The following GPR107 variants were observed in gnomAD, a reference collection of about 807,000 sequenced individuals.
The protein encoded by GPR107 is protein GPR107.
In GPR107, 31 loss-of-function variants were observed where a neutral mutation model predicts 75.5. The observed-to-expected ratio is 0.41, with a 90% CI of 0.31 to 0.55. GPR107 has a LOEUF of 0.55. Ranked by LOEUF, GPR107 falls within the 20% of genes least tolerant of loss-of-function variation. The pLI is 0.26. For synonymous variants in GPR107, 267 were observed against 251.3 expected (o/e 1.06, Z -0.59); for missense variants, 572 against 665.7 (o/e 0.86, Z 1.55).
chr9:130,132,311 G>A (rs562124116), intron 17 of GPR107, among the ~76,000 whole-genome samples: 1 of 152,300 alleles, frequency 6.6e-6, no homozygotes, highest in African/African-American at 2.4e-5. Context: ...CTCAGGATCT[G>A]TGCTTTTCTC....
intron 14 of GPR107, among the ~76,000 whole-genome samples, chr9:130,109,055 A>G (rs1039476988): frequency 2.9e-5 from 4 of 140,168 alleles, no homozygotes; most frequent in Non-Finnish European, 4.5e-5. Flanking sequence ...GCTAGAGTGC[A>G]ATGGCATGAT....
Position 130,090,910 on chromosome 9 carries a change from G to C in GPR107, c.656G>C (p.Gly219Ala). 1 of 1,531,926 alleles carries C rather than the reference G, an allele frequency of 6.5e-7. No homozygotes were observed. The highest frequency in any genetic ancestry group is 9.0e-7 in the Non-Finnish European group (1 of 1,106,140). 94.9% of individuals were successfully genotyped at this position (1,531,926 alleles called of 1,614,324 possible). A position where few individuals can be genotyped will look rare whatever the true frequency, so the allele number is the denominator to read the frequency against. ...AACATCAGCACTGATGACCAAGAAG[G>C]CCTTTACAGTCTTTATTTTCATAAA... is the stretch of plus-strand genomic sequence containing the variant. ...FFNISTDDQE[G>A]LYSLYFHKCL... The change falls in exon 8 of 18, where the codon GGC becomes GCC. Residue 219 changes from glycine to alanine, a missense_variant. Transcript: ENST00000347136.
chr9:130,081,671 CAA>C (rs1279109782), intron 5 of GPR107, among the ~76,000 whole-genome samples: 2 of 93,620 alleles, frequency 2.1e-5, no homozygotes, highest in Non-Finnish European at 4.5e-5. Flanking sequence ...GACTCTGTCT[CAA>C]AAAAAAAAAA....
At chr9:130,120,095 A>G (rs956349785) in intron 14 of GPR107, among the ~76,000 whole-genome samples, 3 of 152,238 alleles carry the variant, frequency 2.0e-5, no homozygotes, top group Admixed American at 2.0e-4. Context: ...GGCATGAGCC[A>G]GCCTGCTGGG....
chr9:130,108,206 C>T (rs1178242732), intron 14 of GPR107, among the ~76,000 whole-genome samples: 2 of 152,242 alleles, frequency 1.3e-5, no homozygotes, highest in African/African-American at 4.8e-5. Flanking sequence ...GAGCAGTGCT[C>T]TCTTCTCTCA....
At chr9:130,107,304 G>A (rs951006822) in intron 13 of GPR107, among the ~76,000 whole-genome samples, 192 bp from the exon 14 acceptor site, 7 of 152,074 alleles carry the variant, frequency 4.6e-5, no homozygotes, top group African/African-American at 1.4e-4. Context: ...AGCAGAGGGC[G>A]ACTTTACCTC....
At chr9:130,066,358 G>A (rs535951285) in intron 1 of GPR107, among the ~76,000 whole-genome samples, 5 of 151,188 alleles carry the variant, frequency 3.3e-5, no homozygotes, top group South Asian at 2.1e-4. Context: ...TCCTCATCTC[G>A]TTCCCATTGA....
intron 15 of GPR107, among the ~76,000 whole-genome samples, 193 bp from the exon 16 acceptor site, chr9:130,127,290 A>G (rs1312488655): frequency 1.3e-5 from 2 of 152,204 alleles, no homozygotes; most frequent in African/African-American, 4.8e-5. Flanking sequence ...GAGAGAGAGA[A>G]GAAATTCAAG....
At chr9:130,082,835 G>A (rs1322667937) in intron 5 of GPR107, among the ~76,000 whole-genome samples, 1 of 151,980 alleles carries the variant, frequency 6.6e-6, no homozygotes, top group East Asian at 1.9e-4. Flanking sequence ...CATGAAAGAA[G>A]CCATTAGCAA....
intron 7 of GPR107, among the ~76,000 whole-genome samples, chr9:130,087,888 A>G (rs1163834581): frequency 4.0e-5 from 6 of 151,492 alleles, no homozygotes; most frequent in Non-Finnish European, 5.9e-5. Flanking sequence ...TGACAAATGC[A>G]TATATACCCA....
chr9:130,109,567 CTTTCTTTTTTT>C (rs1831242548), intron 14 of GPR107, among the ~76,000 whole-genome samples: 1 of 26,234 alleles, frequency 3.8e-5, no homozygotes, highest in South Asian at 1.7e-3. Context: ...TAGTCTTTTT[CTTTCTTTTTTT>C]TTTTTTTTGG....
rs1554900684 is a variant in GPR107 at position 130,140,031 on chromosome 9, A to G, written c.*4910A>G. Reference sequence around the variant, plus strand: ...AAGGAGTTTTCAGTATTTTTTTTAAAACACTAATGATCATTGAAGAGTATT... The same window carrying G: ...AAGGAGTTTTCAGTATTTTTTTTAAGACACTAATGATCATTGAAGAGTATT... On this transcript the variant is annotated 3_prime_UTR_variant, in exon 18 of 18. Coordinates refer to ENST00000347136, the MANE Select transcript of GPR107 (RefSeq NM_020960.5). The surrounding 1 kb of genome is among the most constrained non-coding windows in gnomAD (Gnocchi z 4.0). The G allele has an allele frequency of 1.3e-5, 2 of 152,128 alleles. No homozygotes were observed. Among genetic ancestry groups the G allele is most frequent in the African/African-American group, 4.8e-5 (2 of 41,410 alleles). The allele number at this position is 152,128 out of a possible 1,614,324, so 9.4% of individuals were successfully genotyped here.
At chr9:130,090,298 T>C (rs1830703348) in intron 7 of GPR107, among the ~76,000 whole-genome samples, 1 of 152,196 alleles carries the variant, frequency 6.6e-6, no homozygotes, top group African/African-American at 2.4e-5. Context: ...ACTGTCTAAA[T>C]GTAGAAAATG....
intron 12 of GPR107, among the ~76,000 whole-genome samples, chr9:130,102,115 A>C (rs1017868753): frequency 1.3e-5 from 2 of 152,216 alleles, no homozygotes; most frequent in African/African-American, 4.8e-5. Context: ...GGAAGGATCA[A>C]GGAGGGCTTT....
intron 14 of GPR107, among the ~76,000 whole-genome samples, chr9:130,122,119 C>T (rs1245936708): frequency 6.6e-6 from 1 of 152,170 alleles, no homozygotes; most frequent in African/African-American, 2.4e-5. Flanking sequence ...TCTCGATCTC[C>T]TGACCCCGTG....
chr9:130,126,584 A>G (rs537246448), intron 15 of GPR107, among the ~76,000 whole-genome samples: 1 of 152,186 alleles, frequency 6.6e-6, no homozygotes, highest in East Asian at 1.9e-4. Context: ...TCCTGACCTC[A>G]GGTGATCCAC....
chr9:130,137,271 G>C lies in GPR107; in HGVS notation c.*2150G>C, dbSNP rs1831982369. 1 of 152,440 alleles carries C rather than the reference G, an allele frequency of 6.6e-6. No individual in the cohort carries two copies. Among genetic ancestry groups the C allele is most frequent in the African/African-American group, 2.4e-5 (1 of 41,594 alleles). The allele number at this position is 152,440 out of a possible 1,614,324, so 9.4% of individuals were successfully genotyped here. On this transcript the variant is annotated 3_prime_UTR_variant, in exon 18 of 18. Coordinates refer to ENST00000347136, the MANE Select transcript of GPR107 (RefSeq NM_020960.5). Reference sequence around the variant, plus strand: ...CCAGGCAGTGGAGGAACTAGAGAGAGGCAGGCGTGTGTGTGGACAAGCGCT... The same window carrying C: ...CCAGGCAGTGGAGGAACTAGAGAGACGCAGGCGTGTGTGTGGACAAGCGCT...
At chr9:130,087,031 C>T (rs1350678319) in intron 7 of GPR107, among the ~76,000 whole-genome samples, 1 of 151,978 alleles carries the variant, frequency 6.6e-6, no homozygotes, top group Non-Finnish European at 1.5e-5. Context: ...GGACACCTCA[C>T]TTCATTTCTT....
intron 16 of GPR107, among the ~76,000 whole-genome samples, chr9:130,128,278 C>T (rs10760657): frequency 0.98 from 148,882 of 152,336 alleles, 72,778 homozygotes; most frequent in East Asian, 1. Context: ...ATCTTTGCGA[C>T]AAACTAGAAC....
Sources: gnomAD v4.1 joint callset for allele counts (sites outside exome capture counted in the v4.1 genomes callset) on GRCh38, gnomAD v4.1.1 for gene constraint, Gnocchi (gnomAD v3.1) non-coding constraint, MANE v1.5 for transcripts, NCBI Gene and HGNC (gene_info 2026-07-23, HGNC 2026-07-21) for gene names.